RAP1A: variants seen among roughly 807,000 people sequenced by gnomAD.
RAP1A encodes the protein RAP1A, member of RAS oncogene family.
Under a neutral mutation model 26.4 loss-of-function variants are expected in RAP1A, and 6 were observed. The observed-to-expected ratio is 0.23, with a 90% CI of 0.12 to 0.45. The LOEUF is 0.45. RAP1A is among the 20% of genes least tolerant of loss of function. The probability of loss-of-function intolerance (pLI) is 0.99; values close to 1 mark genes in which losing one functional copy is unlikely to be tolerated. For missense variants in RAP1A, 121 were observed against 217.2 expected, an observed-to-expected ratio of 0.56 and a Z score of 2.78; for synonymous variants, 73 against 79.4, an observed-to-expected ratio of 0.92 and a Z score of 0.43.
chr1:111,562,836 G>A (rs1265020913), intron 1 of RAP1A, among the ~76,000 whole-genome samples: 3 of 152,156 alleles, frequency 2.0e-5, no homozygotes, highest in Non-Finnish European at 4.4e-5. Context: ...TTTGCTTTTA[G>A]TTCTCAATCA....
intron 1 of RAP1A, among the ~76,000 whole-genome samples, chr1:111,607,713 G>A (rs1285040825): frequency 1.1e-4 from 14 of 133,286 alleles, no homozygotes; most frequent in African/African-American, 3.1e-4. Context: ...CCTCCCTCCC[G>A]GACGGGGCGG....
Position 111,712,609 on chromosome 1 carries a change from A to G in RAP1A, c.*208A>G, listed in dbSNP as rs1173901259. On this transcript the variant is annotated 3_prime_UTR_variant, in exon 8 of 8. Transcript: ENST00000369709. ...GCTCTGTGTATATCTCTTGGAAAAT[A>G]AGACAATAGTATTTCTCCTTTGCAA... 1 of 152,552 alleles carries G rather than the reference A, an allele frequency of 6.6e-6. No individual in the cohort carries two copies. The highest frequency in any genetic ancestry group is 1.9e-4 in the East Asian group (1 of 5,208). The allele number at this position is 152,552 out of a possible 1,614,324, so 9.4% of individuals were successfully genotyped here. A position where few individuals can be genotyped will look rare whatever the true frequency, so the allele number is the denominator to read the frequency against.
intron 1 of RAP1A, among the ~76,000 whole-genome samples, chr1:111,630,412 A>G (rs1659533750): frequency 6.6e-6 from 1 of 152,180 alleles, no homozygotes; most frequent in Non-Finnish European, 1.5e-5. Context: ...GCTTGATACT[A>G]TTCTAGGAAC....
chr1:111,588,361 C>T (rs1262885871), intron 1 of RAP1A, among the ~76,000 whole-genome samples: 1 of 152,166 alleles, frequency 6.6e-6, no homozygotes, highest in African/African-American at 2.4e-5. Flanking sequence ...CACACTGCTG[C>T]CACATACCAC....
rs1410558927 is a variant in RAP1A, at chr1:111,714,259, A to T, written c.*1858A>T. ...GCCAAAACTATAGCGAACTTGAATG[A>T]AGTATTAGGGCCAGTTGTCAGGTCA... is the stretch of plus-strand genomic sequence containing the variant. On this transcript the variant is annotated 3_prime_UTR_variant, in exon 8 of 8. Transcript: ENST00000369709. 2 of 152,166 alleles carry T rather than the reference A, an allele frequency of 1.3e-5. No individual in the cohort carries two copies. Among genetic ancestry groups the T allele is most frequent in the East Asian group, 3.8e-4 (2 of 5,200 alleles). 9.4% of individuals were successfully genotyped at this position (152,166 alleles called of 1,614,324 possible).
chr1:111,686,397 T>G (rs1193895995), intron 1 of RAP1A: 2 of 152,146 alleles, frequency 1.3e-5, no homozygotes, highest in Non-Finnish European at 2.9e-5. Flanking sequence ...ATGGCCTCTT[T>G]CATTATGTTG....
At chr1:111,688,882 A>G (rs1661583519) in intron 1 of RAP1A, among the ~76,000 whole-genome samples, 1 of 146,330 alleles carries the variant, frequency 6.8e-6, no homozygotes, top group Non-Finnish European at 1.5e-5. Flanking sequence ...TCGCCCAGGC[A>G]GGAGTGCAGT....
chr1:111,624,085 G>A (rs1483377043), intron 1 of RAP1A, among the ~76,000 whole-genome samples: 4 of 152,230 alleles, frequency 2.6e-5, no homozygotes, highest in Non-Finnish European at 5.9e-5. Flanking sequence ...AAGTTTACTC[G>A]TTTATAATGT....
chr1:111,688,831 T>G (rs1221084486), intron 1 of RAP1A, among the ~76,000 whole-genome samples: 2 of 137,584 alleles, frequency 1.5e-5, no homozygotes, highest in African/African-American at 5.8e-5. Flanking sequence ...TGTTTTTTTT[T>G]TTGTTTTTTT....
At chr1:111,649,073 C>T in intron 1 of RAP1A, 1 of 612,310 alleles carries the variant, frequency 1.6e-6, no homozygotes, top group Non-Finnish European at 3.1e-6. Context: ...CCAGCTCTGT[C>T]TCATACTTGA....
chr1:111,710,128 C>T (rs778701677), intron 7 of RAP1A, among the ~76,000 whole-genome samples: 2 of 151,342 alleles, frequency 1.3e-5, no homozygotes, highest in Non-Finnish European at 2.9e-5. Flanking sequence ...TACATTCTCC[C>T]CAAAATTGAT....
At chr1:111,635,224 T>C (rs1168234779) in intron 1 of RAP1A, among the ~76,000 whole-genome samples, 2 of 152,216 alleles carry the variant, frequency 1.3e-5, no homozygotes, top group Admixed American at 6.5e-5. Flanking sequence ...CTTGGAAACC[T>C]TTTGATTCTT....
At chr1:111,640,691 G>A (rs906448131) in intron 1 of RAP1A, among the ~76,000 whole-genome samples, 1 of 152,150 alleles carries the variant, frequency 6.6e-6, no homozygotes, top group African/African-American at 2.4e-5. Context: ...CAGGCATGGT[G>A]GCTCCCGCCT....
Position 111,668,945 on chromosome 1 carries a change from C to T in RAP1A, c.-27-22389C>T, listed in dbSNP as rs528107477. ...CTTGGGAGGTTGAGGTATGAGGATC[C>T]CTTGAGTCCAGGAGGTCAAGGCTGC... On this transcript the variant is annotated intron_variant, in intron 1 of 7. Transcript: ENST00000369709. Among the ~76,000 whole-genome samples the T allele has an allele frequency of 3.2e-4, 48 of 150,282 alleles. 1 individual carries two copies. Among genetic ancestry groups the T allele is most frequent in the African/African-American group, 1.1e-3 (46 of 40,890 alleles).
At chr1:111,557,663 G>A (rs1657555597) in intron 1 of RAP1A, among the ~76,000 whole-genome samples, 1 of 152,082 alleles carries the variant, frequency 6.6e-6, no homozygotes, top group Non-Finnish European at 1.5e-5. Context: ...CTGAGAAGTA[G>A]AATGATATCA....
At chr1:111,654,174 C>T (rs543915545) in intron 1 of RAP1A, among the ~76,000 whole-genome samples, 10 of 152,290 alleles carry the variant, frequency 6.6e-5, no homozygotes, top group East Asian at 3.9e-4. Flanking sequence ...GTATTCTTAA[C>T]GAGTTACTGT....
intron 1 of RAP1A, among the ~76,000 whole-genome samples, chr1:111,673,409 T>C (rs1427454475): frequency 2.6e-5 from 4 of 152,266 alleles, no homozygotes; most frequent in Admixed American, 2.0e-4. Context: ...GAGAAACTTT[T>C]GTCTGTAATA....
At chr1:111,683,893 A>G (rs561387563) in intron 1 of RAP1A, among the ~76,000 whole-genome samples, 1 of 152,342 alleles carries the variant, frequency 6.6e-6, no homozygotes, top group Admixed American at 6.5e-5. Flanking sequence ...CCTGATGACC[A>G]TCGATGCAAA....
chr1:111,571,854 G>T (rs1658054844), intron 1 of RAP1A, among the ~76,000 whole-genome samples: 1 of 152,178 alleles, frequency 6.6e-6, no homozygotes, highest in Admixed American at 6.5e-5. Context: ...TGCATTTTTG[G>T]CTATTTTTGT....
Sources: gnomAD v4.1 joint callset for allele counts (sites outside exome capture counted in the v4.1 genomes callset) on GRCh38, gnomAD v4.1.1 for gene constraint, MANE v1.5 for transcripts, NCBI Gene and HGNC (gene_info 2026-07-23, HGNC 2026-07-21) for gene names.